LPP: variants seen among roughly 807,000 people sequenced by gnomAD.
The protein encoded by LPP is LIM domain containing preferred translocation partner in lipoma.
A neutral mutation model predicts 60.4 loss-of-function variants in LPP; 38 were observed. The observed-to-expected ratio is 0.63, with a 90% CI of 0.49 to 0.83. The LOEUF is 0.83. LPP is among the 40% of genes least tolerant of loss of function. The pLI is 0.00. For synonymous variants in LPP, 328 were observed against 290.8 expected (o/e 1.13, Z -1.30); for missense variants, 902 against 783.6 (o/e 1.15, Z -1.80).
chr3:188,206,139 C>T (rs1261083485), intron 1 of LPP, among the ~76,000 whole-genome samples: 1 of 152,148 alleles, frequency 6.6e-6, no homozygotes, highest in Non-Finnish European at 1.5e-5. Context: ...TTGTTAGACA[C>T]ACCTCCTTTA....
chr3:188,239,830 C>T, intron 2 of LPP: 2 of 214,316 alleles, frequency 9.3e-6, no homozygotes, highest in Non-Finnish European at 1.9e-5. Flanking sequence ...TCTGGCAGGT[C>T]CTATGTAAAC....
At chr3:188,475,112 G>T (rs780866762) in intron 4 of LPP, among the ~76,000 whole-genome samples, 5 of 152,182 alleles carry the variant, frequency 3.3e-5, no homozygotes, top group Non-Finnish European at 7.3e-5. Context: ...ATACACTGAG[G>T]TGTCTCACAT....
chr3:188,242,974 A>G (rs560159223), intron 2 of LPP, among the ~76,000 whole-genome samples: 1 of 152,374 alleles, frequency 6.6e-6, no homozygotes, highest in Admixed American at 6.5e-5. Context: ...GAATTTGAGT[A>G]TAAAAAAGAG....
At chr3:188,300,619 T>C (rs1219652836) in intron 2 of LPP, among the ~76,000 whole-genome samples, 1 of 152,186 alleles carries the variant, frequency 6.6e-6, no homozygotes, top group Non-Finnish European at 1.5e-5. Flanking sequence ...AAATTCTGAC[T>C]ACAGCAAAAC....
chr3:188,545,200 C>T (rs1468427891), intron 6 of LPP, among the ~76,000 whole-genome samples: 1 of 130,502 alleles, frequency 7.7e-6, no homozygotes, highest in Non-Finnish European at 1.6e-5. Context: ...CACATGTATA[C>T]ATATGTAACT....
rs186589505 is a variant in LPP at position 188,417,875 on chromosome 3, C to T, written c.193+11562C>T. On this transcript the variant is annotated intron_variant, in intron 4 of 11. Transcript: ENST00000617246. ...CTTTTTTTACCTAGTCAAACACACA[C>T]GCTTAAGAATGGAGTTGTAAGCTAA... 1.8e-4 allele frequency among the ~76,000 whole-genome samples: 28 copies of T among 152,282 alleles called. No homozygotes were observed. The East Asian group carries it at 5.2e-3, about 28-fold the overall frequency.
intron 6 of LPP, among the ~76,000 whole-genome samples, chr3:188,539,125 T>C (rs965514722): frequency 2.6e-5 from 4 of 152,210 alleles, no homozygotes; most frequent in African/African-American, 7.2e-5. Context: ...AATCACTAAA[T>C]TGTGCATTTT....
intron 8 of LPP, among the ~76,000 whole-genome samples, chr3:188,743,031 C>T (rs1453113249): frequency 6.6e-6 from 1 of 152,010 alleles, no homozygotes; most frequent in African/African-American, 2.4e-5. Context: ...GTGCAGAGAA[C>T]AGTGAAACAG....
chr3:188,813,425 T>C (rs1751621120), intron 9 of LPP, among the ~76,000 whole-genome samples: 1 of 152,214 alleles, frequency 6.6e-6, no homozygotes, highest in South Asian at 2.1e-4. Flanking sequence ...TATTCTTGTT[T>C]CATTGATATT....
At chr3:188,276,565 G>A (rs894213275) in intron 2 of LPP, among the ~76,000 whole-genome samples, 1 of 152,146 alleles carries the variant, frequency 6.6e-6, no homozygotes, top group Non-Finnish European at 1.5e-5. Flanking sequence ...CTGGTGGGAG[G>A]TGTTGGGGCG....
rs796197283 is a variant in LPP at position 188,316,442 on chromosome 3, G to GA, written c.-66-25211dup. Among the ~76,000 whole-genome samples the GA allele has an allele frequency of 7.1e-4, 105 of 148,422 alleles. 2 individuals are homozygous for GA. The highest frequency in any genetic ancestry group is 3.5e-3 in the East Asian group (18 of 5,074). On this transcript the variant is annotated intron_variant, in intron 2 of 11. Coordinates refer to ENST00000617246, the MANE Select transcript of LPP (RefSeq NM_001375462.1). The stretch of plus-strand genomic sequence containing the variant: ...GTGACTGACCAAGACCCTACTGGAA[G>GA]AAAAAAAAAATAAGAATTGCTCAAG...
intron 3 of LPP, among the ~76,000 whole-genome samples, chr3:188,342,050 C>T (rs923059146): frequency 1.3e-5 from 2 of 152,082 alleles, no homozygotes; most frequent in African/African-American, 4.8e-5. Context: ...TTATTGTATC[C>T]TCAACTAGTA....
At chr3:188,305,946 A>T (rs1024575315) in intron 2 of LPP, among the ~76,000 whole-genome samples, 11 of 152,198 alleles carry the variant, frequency 7.2e-5, no homozygotes, top group African/African-American at 2.4e-4. Flanking sequence ...ATGGTGGAGG[A>T]AGTTTCAACT....
At chr3:188,188,484 A>C (rs748942982) in intron 1 of LPP, among the ~76,000 whole-genome samples, 11 of 152,048 alleles carry the variant, frequency 7.2e-5, no homozygotes, top group Non-Finnish European at 1.5e-4. Context: ...TCTTTGTATA[A>C]CAATTATTTG....
Position 188,264,062 on chromosome 3 carries a change from T to C in LPP, c.-67+38535T>C, listed in dbSNP as rs1229580382. On this transcript the variant is annotated intron_variant, in intron 2 of 11. Transcript: ENST00000617246. Reference sequence around the variant, plus strand: ...GTCATGTAGGCCTGTCTTGTACATATCACCTTCGACATTGCTGAGCAGTTT... The same window carrying C: ...GTCATGTAGGCCTGTCTTGTACATACCACCTTCGACATTGCTGAGCAGTTT... 3.3e-5 allele frequency among the ~76,000 whole-genome samples: 5 copies of C among 152,172 alleles called. No individual in the cohort carries two copies. In the East Asian group the frequency reaches 9.7e-4, roughly 29 times the overall value.
At chr3:188,261,154 ATTGT>A (rs372626411) in intron 2 of LPP, among the ~76,000 whole-genome samples, 1 of 152,134 alleles carries the variant, frequency 6.6e-6, no homozygotes, top group African/African-American at 2.4e-5. Flanking sequence ...ATCTTACTAG[ATTGT>A]TTGTTTTTGA....
intron 9 of LPP, among the ~76,000 whole-genome samples, chr3:188,846,137 C>T (rs905890952): frequency 2.0e-5 from 3 of 152,180 alleles, no homozygotes; most frequent in African/African-American, 7.2e-5. Context: ...GGTCCCATTT[C>T]AAAGAACTCA....
At chr3:188,636,946 C>A (rs546455395) in intron 7 of LPP, among the ~76,000 whole-genome samples, 1 of 142,920 alleles carries the variant, frequency 7.0e-6, no homozygotes, top group South Asian at 2.2e-4. Context: ...CAACATTAGA[C>A]AGATCAACGA....
Position 188,524,692 on chromosome 3 carries a change from G to A in LPP, c.334G>A (p.Glu112Lys). The A allele has an allele frequency of 6.2e-7, 1 of 1,613,984 alleles. No individual in the cohort carries two copies. The highest frequency in any genetic ancestry group is 8.5e-7 in the Non-Finnish European group (1 of 1,179,940). ...QGNPGGKTLEERRSSLDAEID... is the reference protein window; with the variant it reads ...QGNPGGKTLEKRRSSLDAEID... ...GAATCCCGGAGGCAAGACACTTGAG[G>A]AGAGGCGCTCCAGCCTGGACGCTGA... Residue 112 changes from glutamate (E) to lysine (K), a missense_variant, in exon 6 of 12, where the codon GAG becomes AAG. Transcript: ENST00000617246.
Sources: allele counts gnomAD v4.1 joint callset (sites outside exome capture counted in the v4.1 genomes callset), GRCh38; gene constraint gnomAD v4.1.1; transcripts MANE v1.5; gene names NCBI Gene and HGNC (gene_info 2026-07-23, HGNC 2026-07-21).